The following KDELR1 variants were observed in gnomAD, a reference collection of about 807,000 sequenced individuals.
KDELR1 encodes ER lumen protein-retaining receptor 1.
A neutral mutation model predicts 25.5 loss-of-function variants in KDELR1; 16 were observed. The observed-to-expected ratio is 0.63, with a 90% CI of 0.43 to 0.95. The LOEUF is 0.95. Among genes scored for constraint, KDELR1 ranks in the 40% least tolerant of loss-of-function variants. The pLI, the probability that KDELR1 is intolerant of heterozygous loss-of-function variation, is 0.00. For synonymous variants in KDELR1, 121 were observed against 115.0 expected, an observed-to-expected ratio of 1.05 and a Z score of -0.33; for missense variants, 159 against 265.2, an observed-to-expected ratio of 0.60 and a Z score of 2.78.
At position 48,389,386 on chromosome 19, in the gene KDELR1, G is replaced by A. The variant is rs1402018748; in HGVS notation, c.351+167C>T. ...CTGACACATAGCGAGTCTTGCTGCT[G>A]TTGTGTTAATTTCCTCTGACCCCAG... On this transcript the variant is annotated intron_variant, in intron 3 of 4. Transcript: ENST00000330720. 3 of 703,488 alleles carry A rather than the reference G, an allele frequency of 4.3e-6. No homozygotes were observed. In the African/African-American group the frequency reaches 5.4e-5, roughly 13 times the overall value. The allele number at this position is 703,488 out of a possible 1,614,324, so 43.6% of individuals were successfully genotyped here. A position where few individuals can be genotyped will look rare whatever the true frequency, so the allele number is the denominator to read the frequency against.
At position 48,384,578 on chromosome 19, in the gene KDELR1, G is replaced by T. The variant is rs542944845; in HGVS notation, c.352-96C>A. On this transcript the variant is annotated intron_variant, in intron 3 of 4. Transcript: ENST00000330720. The surrounding 1 kb of genome is among the most constrained non-coding windows in gnomAD (Gnocchi z 4.6). ...CAGTTACAGGTGCCGCGAAGGTGGA[G>T]AGAAGGAAGGTGATCCAGGTGCTGC... 172 of 1,444,270 alleles carry T rather than the reference G, an allele frequency of 1.2e-4. No homozygotes were observed. The highest frequency in any genetic ancestry group is 1.5e-4 in the Non-Finnish European group (164 of 1,072,804). 89.5% of individuals were successfully genotyped at this position (1,444,270 alleles called of 1,614,324 possible).
chr19:48,388,791 AAGAAAG>A (rs1970516268), intron 3 of KDELR1, among the ~76,000 whole-genome samples: 1 of 149,948 alleles, frequency 6.7e-6, no homozygotes, highest in Admixed American at 6.6e-5. Flanking sequence ...AAAGAAAGGA[AAGAAAG>A]AGAAAGAAAG....
rs753803008 is a variant in KDELR1, at chr19:48,391,404, CG to C, written c.-47del. The C allele has an allele frequency of 5.7e-5, 84 of 1,476,288 alleles. No individual in the cohort carries two copies. Among genetic ancestry groups the C allele is most frequent in the Non-Finnish European group, 6.6e-5 (71 of 1,080,554 alleles). 91.4% of individuals were successfully genotyped at this position (1,476,288 alleles called of 1,614,324 possible). On this transcript the variant is annotated 5_prime_UTR_variant, in exon 1 of 5. Transcript: ENST00000330720. ...GCTGAGCGGGAGGGAGGCAGGCTGG[CG>C]GGGGGGTGCCCCCCGAGGCTGCTGG...
In KDELR1 at chr19:48,391,530, C is replaced by A. The variant is rs1970553118; in HGVS notation, c.-172G>T. 5.1e-6 allele frequency: 3 copies of A among 593,536 alleles called. No individual in the cohort carries two copies. Among genetic ancestry groups the A allele is most frequent in the Non-Finnish European group, 9.0e-6 (3 of 333,352 alleles). The allele number at this position is 593,536 out of a possible 1,614,324, so 36.8% of individuals were successfully genotyped here. On this transcript the variant is annotated 5_prime_UTR_variant, in exon 1 of 5. Transcript: ENST00000330720. ...GAGGGGGAGCAAAGGCTGGAGCTGGCGGCGGAGCTGGAGCCGGGAAGAGGG... is the reference window on the plus strand; with the variant it reads ...GAGGGGGAGCAAAGGCTGGAGCTGGAGGCGGAGCTGGAGCCGGGAAGAGGG...
At chr19:48,396,375 GC>G (rs1186997925), upstream of KDELR1, among the ~76,000 whole-genome samples, 1 of 152,082 alleles carries the variant, frequency 6.6e-6, no homozygotes, top group African/African-American at 2.4e-5. Flanking sequence ...GCCGGGGGCT[GC>G]CCTCCTGGGC....
chr19:48,391,563 C>A (rs1970553995), upstream of KDELR1: 2 of 570,444 alleles, frequency 3.5e-6, no homozygotes, highest in East Asian at 6.0e-5. Flanking sequence ...GGGAGGAGAG[C>A]GAGAGGGGGA....
Position 48,390,435 on chromosome 19 carries a change from T to C in KDELR1, c.181A>G (p.Thr61Ala). The C allele has an allele frequency of 1.9e-6, 3 of 1,611,352 alleles. No individual in the cohort carries two copies. The highest frequency in any genetic ancestry group is 2.5e-6 in the Non-Finnish European group (3 of 1,177,834). Reference protein sequence around the residue: ...LFTNYISLYNTCMKVVYIACS... With the variant: ...LFTNYISLYNACMKVVYIACS... ...GGTGGAGCCTCTACCTTCATACACGTGTTGTAGAGTGAGATGTAGTTGGTG... is the reference window on the plus strand; with the variant it reads ...GGTGGAGCCTCTACCTTCATACACGCGTTGTAGAGTGAGATGTAGTTGGTG... The change falls in exon 2 of 5, where the codon ACG becomes GCG. Residue 61 changes from threonine (T) to alanine (A), a missense_variant. Transcript: ENST00000330720.
chr19:48,391,545 C>T lies in KDELR1; in HGVS notation c.-187G>A, dbSNP rs1199763823. The T allele has an allele frequency of 8.5e-6, 5 of 586,074 alleles. No homozygotes were observed. The highest frequency in any genetic ancestry group is 9.1e-6 in the Non-Finnish European group (3 of 328,134). The allele number at this position is 586,074 out of a possible 1,614,324, so 36.3% of individuals were successfully genotyped here. On this transcript the variant is annotated 5_prime_UTR_variant, in exon 1 of 5. Coordinates refer to ENST00000330720, the MANE Select transcript of KDELR1 (RefSeq NM_006801.3). Reference sequence around the variant, plus strand: ...CTGGAGCTGGCGGCGGAGCTGGAGCCGGGAAGAGGGAGGAGAGCGAGAGGG... The same window carrying T: ...CTGGAGCTGGCGGCGGAGCTGGAGCTGGGAAGAGGGAGGAGAGCGAGAGGG...
At position 48,383,257 on chromosome 19, in the gene KDELR1, C is replaced by T. The variant is rs772347905; in HGVS notation, c.*36G>A. 18 of 1,549,564 alleles carry T rather than the reference C, an allele frequency of 1.2e-5. No individual in the cohort carries two copies. Among genetic ancestry groups the T allele is most frequent in the East Asian group, 7.3e-5 (3 of 40,938 alleles). On this transcript the variant is annotated 3_prime_UTR_variant, in exon 5 of 5. Transcript: ENST00000330720. The stretch of plus-strand genomic sequence containing the variant: ...TCTTCTGCCGCCTTCCTCTGCCTCC[C>T]GCTGCTGCCGAGGAGAGAGATGGAG...
chr19:48,384,152 A>T lies in KDELR1; in HGVS notation c.604+78T>A. 1.3e-6 allele frequency: 2 copies of T among 1,550,224 alleles called. No individual in the cohort carries two copies. Among genetic ancestry groups the T allele is most frequent in the Admixed American group, 3.5e-5 (2 of 57,626 alleles). ...CCCTTCTTTGCATAATACAGGGGTAAGGAGACCCCAGTCCCCAGGGAGGGC... is the reference window on the plus strand; with the variant it reads ...CCCTTCTTTGCATAATACAGGGGTATGGAGACCCCAGTCCCCAGGGAGGGC... On this transcript the variant is annotated intron_variant, in intron 4 of 4. Coordinates refer to ENST00000330720, the MANE Select transcript of KDELR1 (RefSeq NM_006801.3). This position sits in a 1 kb window ranked among gnomAD's most constrained non-coding sequence, Gnocchi z 4.6.
rs45510098 is a variant in KDELR1, at chr19:48,391,411, G to A, written c.-53C>T. Reference sequence around the variant, plus strand: ...GGGAGGGAGGCAGGCTGGCGGGGGGGTGCCCCCCGAGGCTGCTGGTCTGAA... The same window carrying A: ...GGGAGGGAGGCAGGCTGGCGGGGGGATGCCCCCCGAGGCTGCTGGTCTGAA... On this transcript the variant is annotated 5_prime_UTR_variant, in exon 1 of 5. Transcript: ENST00000330720. The A allele has an allele frequency of 3.7e-5, 53 of 1,441,224 alleles. No individual in the cohort carries two copies. Among genetic ancestry groups the A allele is most frequent in the East Asian group, 5.0e-5 (2 of 40,358 alleles). 89.3% of individuals were successfully genotyped at this position (1,441,224 alleles called of 1,614,324 possible).
rs1555890422 is a variant in KDELR1 at position 48,390,577 on chromosome 19, G to GAGAGAGAGAGAGACAGAC, written c.92-54_92-53insGTCTGTCTCTCTCTCTCT. On this transcript the variant is annotated intron_variant, in intron 1 of 4. Transcript: ENST00000330720. ...AGAGAGAGAGACAGAGAGAGAGAGAGAGACAGACAGACAGACAGACAGACA... is the reference window on the plus strand; with the variant it reads ...AGAGAGAGAGACAGAGAGAGAGAGAGAGAGAGAGAGAGACAGACAGACAGACAGACAGACAGACAGACA... 2.1e-5 allele frequency: 21 copies of GAGAGAGAGAGAGACAGAC among 980,246 alleles called. No homozygotes were observed. The South Asian group carries it at 2.6e-4, about 12-fold the overall frequency. The allele number at this position is 980,246 out of a possible 1,614,324, so 60.7% of individuals were successfully genotyped here. A position where few individuals can be genotyped will look rare whatever the true frequency, so the allele number is the denominator to read the frequency against.
At chr19:48,391,886 C>A (rs1970559147), upstream of KDELR1, among the ~76,000 whole-genome samples, 1 of 152,142 alleles carries the variant, frequency 6.6e-6, no homozygotes, top group African/African-American at 2.4e-5. Flanking sequence ...AGCTTTCAGG[C>A]ACTCTAACTC....
Position 48,391,421 on chromosome 19 carries a change from A to C in KDELR1, c.-63T>G. ...CAGGCTGGCGGGGGGGTGCCCCCCG[A>C]GGCTGCTGGTCTGAACGGGTAGCTG... On this transcript the variant is annotated 5_prime_UTR_variant, in exon 1 of 5. Coordinates refer to ENST00000330720, the MANE Select transcript of KDELR1 (RefSeq NM_006801.3). 3 of 1,347,114 alleles carry C rather than the reference A, an allele frequency of 2.2e-6. No individual in the cohort carries two copies. Among genetic ancestry groups the C allele is most frequent in the Non-Finnish European group, 3.1e-6 (3 of 962,910 alleles). 83.4% of individuals were successfully genotyped at this position (1,347,114 alleles called of 1,614,324 possible).
At chr19:48,390,375 C>T (rs367732975) in intron 2 of KDELR1, 49 bp downstream of exon 2, 94 of 1,392,640 alleles carry the variant, frequency 6.7e-5, no homozygotes, top group Non-Finnish European at 9.0e-5. Flanking sequence ...GACCCACACC[C>T]GGCTCCTCTG....
Position 48,384,128 on chromosome 19 carries a change from C to T in KDELR1, c.604+102G>A. ...CCAGAAACCCGGCGAAGAAATGCTC[C>T]CTTCTTTGCATAATACAGGGGTAAG... On this transcript the variant is annotated intron_variant, in intron 4 of 4. Transcript: ENST00000330720. This position sits in a 1 kb window ranked among gnomAD's most constrained non-coding sequence, Gnocchi z 4.6. 1 of 1,429,352 alleles carries T rather than the reference C, an allele frequency of 7.0e-7. No individual in the cohort carries two copies. 88.5% of individuals were successfully genotyped at this position (1,429,352 alleles called of 1,614,324 possible).
chr19:48,383,433 C>T lies in KDELR1; in HGVS notation c.605-106G>A, dbSNP rs1600954909. The T allele has an allele frequency of 6.1e-6, 6 of 983,490 alleles. No individual in the cohort carries two copies. In the East Asian group the frequency reaches 1.6e-4, roughly 26 times the overall value. 60.9% of individuals were successfully genotyped at this position (983,490 alleles called of 1,614,324 possible). ...CAGGCACGCTAGATGGGCAGATCCA[C>T]AGGGAGGGAGGTCCCCCAGGACTCA... On this transcript the variant is annotated intron_variant, in intron 4 of 4. Coordinates refer to ENST00000330720, the MANE Select transcript of KDELR1 (RefSeq NM_006801.3).
chr19:48,392,228 C>G (rs1358435875), upstream of KDELR1, among the ~76,000 whole-genome samples: 1 of 150,404 alleles, frequency 6.6e-6, no homozygotes, highest in South Asian at 2.1e-4. Flanking sequence ...CCTCCTCCCC[C>G]AGATCCAGGA....
At chr19:48,385,011 T>C (rs1783749373) in intron 3 of KDELR1, among the ~76,000 whole-genome samples, 1 of 151,728 alleles carries the variant, frequency 6.6e-6, no homozygotes, top group South Asian at 2.1e-4. Context: ...CTCAGCCTCC[T>C]GAGTAGCTGG....
Sources: gnomAD v4.1 joint callset for allele counts (sites outside exome capture counted in the v4.1 genomes callset) on GRCh38, gnomAD v4.1.1 for gene constraint, Gnocchi (gnomAD v3.1) non-coding constraint, MANE v1.5 for transcripts, NCBI Gene and HGNC (gene_info 2026-07-23, HGNC 2026-07-21) for gene names.